The following ZC3HAV1 variants were observed in gnomAD, a reference collection of about 807,000 sequenced individuals.
ZC3HAV1 encodes the protein zinc finger CCCH-type antiviral protein 1.
In ZC3HAV1, 41 loss-of-function variants were observed where a neutral mutation model predicts 86.6. The ratio of observed to expected loss-of-function variants is 0.47; its 90% CI spans 0.37 to 0.61. The LOEUF is 0.61. Among genes scored for constraint, ZC3HAV1 ranks in the 20% least tolerant of loss-of-function variants. The probability of loss-of-function intolerance (pLI) is 0.00; values close to 1 mark genes in which losing one functional copy is unlikely to be tolerated. For missense variants in ZC3HAV1, 964 were observed against 1,141.1 expected (o/e 0.84, Z 2.24); for synonymous variants, 421 against 432.1 (o/e 0.97, Z 0.32).
At chr7:139,054,321 G>T (rs1816221751) in intron 10 of ZC3HAV1, among the ~76,000 whole-genome samples, 1 of 152,138 alleles carries the variant, frequency 6.6e-6, no homozygotes, top group South Asian at 2.1e-4. Context: ...GCAAAGCACT[G>T]TGCCTAAGGG....
Position 139,068,265 on chromosome 7 carries a change from G to T in ZC3HAV1, c.1873-3266C>A, listed in dbSNP as rs182721615. 4.0e-4 allele frequency among the ~76,000 whole-genome samples: 61 copies of T among 152,074 alleles called. 2 individuals are homozygous for T. Among genetic ancestry groups the T allele is most frequent in the African/African-American group, 1.4e-3 (57 of 41,480 alleles). ...AGTAGAGACGGGGTTTCACCATGTT[G>T]TCCAGGCTGGTCTCCAATTTCTGAC... On this transcript the variant is annotated intron_variant, in intron 7 of 12. Transcript: ENST00000242351.
chr7:139,088,867 C>T (rs1817350478), intron 2 of ZC3HAV1, among the ~76,000 whole-genome samples: 1 of 152,080 alleles, frequency 6.6e-6, no homozygotes. Context: ...CTTTGGGAGG[C>T]CAAGGTGGGC....
At position 139,109,354 on chromosome 7, in the gene ZC3HAV1, T is replaced by G; in HGVS notation, c.-23A>C. The stretch of plus-strand genomic sequence containing the variant: ...CATGGCGCGCTGGCTGTGCTGGCTC[T>G]GCCGCGGCGCGGGACTCGGTTCCGC... On this transcript the variant is annotated 5_prime_UTR_variant, in exon 1 of 13. Coordinates refer to ENST00000242351, the MANE Select transcript of ZC3HAV1 (RefSeq NM_020119.4). The G allele has an allele frequency of 6.5e-7, 1 of 1,544,626 alleles. No individual in the cohort carries two copies. The highest frequency in any genetic ancestry group is 8.7e-7 in the Non-Finnish European group (1 of 1,146,566).
At chr7:139,052,862 G>A (rs937983743) in intron 12 of ZC3HAV1, among the ~76,000 whole-genome samples, 1 of 151,784 alleles carries the variant, frequency 6.6e-6, no homozygotes, top group Non-Finnish European at 1.5e-5. Context: ...CCAGGAGGTT[G>A]AGGCTGCAGT....
chr7:139,082,250 CAG>C, intron 3 of ZC3HAV1, among the ~76,000 whole-genome samples: 1 of 151,216 alleles, frequency 6.6e-6, no homozygotes, highest in Admixed American at 6.6e-5. Context: ...GCCTGGGTGA[CAG>C]AGTGAGACTC....
intron 1 of ZC3HAV1, among the ~76,000 whole-genome samples, chr7:139,101,470 T>C (rs1242716800): frequency 5.3e-5 from 6 of 112,958 alleles, no homozygotes; most frequent in Admixed American, 1.1e-4. Flanking sequence ...GTCTGGGATG[T>C]GAGGAGCGCC....
At chr7:139,085,550 G>A (rs988052311) in intron 2 of ZC3HAV1, among the ~76,000 whole-genome samples, 1 of 152,186 alleles carries the variant, frequency 6.6e-6, no homozygotes, top group African/African-American at 2.4e-5. Flanking sequence ...GCTTTTAAAT[G>A]TTAGTTGAAT....
chr7:139,088,966 G>C (rs1254110791), intron 2 of ZC3HAV1, among the ~76,000 whole-genome samples: 1 of 152,032 alleles, frequency 6.6e-6, no homozygotes, highest in Non-Finnish European at 1.5e-5. Flanking sequence ...GCCGGGCATG[G>C]TGGCAGGCAC....
At chr7:139,054,795 C>CA (rs1563123733) in intron 10 of ZC3HAV1, among the ~76,000 whole-genome samples, 1 of 152,102 alleles carries the variant, frequency 6.6e-6, no homozygotes, top group Non-Finnish European at 1.5e-5. Context: ...TTTTTGGAGA[C>CA]AGAGTCTCAC....
intron 5 of ZC3HAV1, among the ~76,000 whole-genome samples, chr7:139,077,454 G>T (rs1816985753): frequency 6.6e-6 from 1 of 152,186 alleles, no homozygotes; most frequent in South Asian, 2.1e-4. Flanking sequence ...ATGATGGCCA[G>T]ACTGGTCTTG....
intron 3 of ZC3HAV1, among the ~76,000 whole-genome samples, chr7:139,081,599 T>C (rs1267777618): frequency 6.6e-6 from 1 of 152,160 alleles, no homozygotes; most frequent in Non-Finnish European, 1.5e-5. Context: ...GCCTTGAAAA[T>C]GTTACCTTTT....
At chr7:139,090,150 A>C (rs1405819524) in intron 1 of ZC3HAV1, among the ~76,000 whole-genome samples, 1 of 151,970 alleles carries the variant, frequency 6.6e-6, no homozygotes, top group Non-Finnish European at 1.5e-5. Flanking sequence ...TGAACTCCTG[A>C]CCTCAGGTGA....
At chr7:139,058,440 AC>A (rs56132797) in intron 9 of ZC3HAV1, among the ~76,000 whole-genome samples, 41,944 of 118,688 alleles carry the variant, frequency 0.35, 6,871 homozygotes, top group Non-Finnish European at 0.45. Flanking sequence ...CTAACCCCCA[AC>A]CCCCCCCCCC....
In ZC3HAV1 at chr7:139,109,403, A is replaced by T. The variant is rs1814170; in HGVS notation, c.-72T>A. 187,679 of 1,456,454 alleles carry T rather than the reference A, an allele frequency of 0.13. 16,627 individuals are homozygous for T. The highest frequency in any genetic ancestry group is 0.48 in the East Asian group (19,275 of 40,260). 90.2% of individuals were successfully genotyped at this position (1,456,454 alleles called of 1,614,324 possible). A position where few individuals can be genotyped will look rare whatever the true frequency, so the allele number is the denominator to read the frequency against. On this transcript the variant is annotated 5_prime_UTR_variant, in exon 1 of 13. Coordinates refer to ENST00000242351, the MANE Select transcript of ZC3HAV1 (RefSeq NM_020119.4). ...GCGGAAATCGGAAATCGAAACTTAC[A>T]AGTGTCCAGGGGCGGGCGCGGGCGG...
intron 7 of ZC3HAV1, among the ~76,000 whole-genome samples, chr7:139,067,727 A>G (rs1294817153): frequency 6.6e-6 from 1 of 152,230 alleles, no homozygotes; most frequent in Non-Finnish European, 1.5e-5. Context: ...ATATACAAAA[A>G]GACCAACAGG....
intron 12 of ZC3HAV1, among the ~76,000 whole-genome samples, chr7:139,051,152 G>A (rs895130243): frequency 1.3e-5 from 2 of 151,686 alleles, no homozygotes; most frequent in African/African-American, 4.8e-5. Flanking sequence ...CTGCCTCCCG[G>A]GTTCAAGCGA....
intron 10 of ZC3HAV1, 78 bp downstream of exon 10, chr7:139,055,123 CCAGA>C: frequency 8.0e-7 from 1 of 1,253,498 alleles, no homozygotes. Context: ...ATTCATTCAT[CCAGA>C]CAAACACATA....
intron 9 of ZC3HAV1, among the ~76,000 whole-genome samples, chr7:139,057,544 T>TATCTC (rs1322139299): frequency 1.2e-3 from 26 of 21,122 alleles, no homozygotes; most frequent in East Asian, 3.9e-3. Context: ...TTTTTTTTTT[T>TATCTC]TTTTTTTTTT....
At position 139,083,862 on chromosome 7, in the gene ZC3HAV1, G is replaced by A. The variant is rs376959681; in HGVS notation, c.615C>T (p.His205=). 2.4e-5 allele frequency: 38 copies of A among 1,613,910 alleles called. No individual in the cohort carries two copies. The highest frequency in any genetic ancestry group is 1.6e-4 in the Middle Eastern group (1 of 6,084). Residue 205 remains histidine, a synonymous_variant, in exon 3 of 13, where the codon CAC becomes CAT. Transcript: ENST00000242351. ...TCTGGACCACGTCGGGGTTCAGCCC[G>A]TGCTCCCTCATGATGGCCAGCACCT... ...DRKVLAIMRE[H]GLNPDVVQNI... is the part of the protein sequence containing the mutation.
Sources: gnomAD v4.1 joint callset for allele counts (sites outside exome capture counted in the v4.1 genomes callset) on GRCh38, gnomAD v4.1.1 for gene constraint, MANE v1.5 for transcripts, NCBI Gene and HGNC (gene_info 2026-07-23, HGNC 2026-07-21) for gene names.